Variants in FBXL13 observed in about 807,000 individuals in gnomAD.
The protein encoded by FBXL13 is F-box and leucine-rich repeat protein 13.
Under a neutral mutation model 83.6 loss-of-function variants are expected in FBXL13, and 67 were observed. That is an observed-to-expected ratio of 0.80 (90% CI 0.66 to 0.98). FBXL13 has a LOEUF of 0.98. FBXL13 is among the 50% of genes least tolerant of loss of function. The probability of loss-of-function intolerance (pLI) is 0.00; values close to 1 mark genes in which losing one functional copy is unlikely to be tolerated. For missense variants in FBXL13, 822 were observed against 866.5 expected, an observed-to-expected ratio of 0.95 and a Z score of 0.64; for synonymous variants, 272 against 299.5, an observed-to-expected ratio of 0.91 and a Z score of 0.95.
rs1793026959 is a variant in FBXL13, at chr7:103,020,528, T to C, written c.495+4535A>G. Among the ~76,000 whole-genome samples, 3 of 152,154 alleles carry C rather than the reference T, an allele frequency of 2.0e-5. No individual in the cohort carries two copies. The South Asian group carries it at 6.2e-4, about 32-fold the overall frequency. On this transcript the variant is annotated intron_variant, in intron 6 of 19. Coordinates refer to ENST00000313221, the Ensembl canonical transcript of FBXL13. ...GGTATTCAATTAAGAAAAGAGGAAG[T>C]CAAATTGTCCCTGTTTGCAGATGAC...
chr7:103,064,363 A>G (rs1464854947), intron 1 of FBXL13, among the ~76,000 whole-genome samples: 1 of 152,220 alleles, frequency 6.6e-6, no homozygotes, highest in Non-Finnish European at 1.5e-5. Context: ...GAGGGAAGAG[A>G]CAGCGTATAG....
At chr7:103,062,235 T>C (rs1309523123) in intron 1 of FBXL13, among the ~76,000 whole-genome samples, 1 of 152,134 alleles carries the variant, frequency 6.6e-6, no homozygotes, top group African/African-American at 2.4e-5. Context: ...GACCATAATA[T>C]CTAGCTCATC....
intron 17 of FBXL13, among the ~76,000 whole-genome samples, chr7:102,846,303 G>C (rs533254606): frequency 6.6e-6 from 1 of 152,322 alleles, no homozygotes; most frequent in South Asian, 2.1e-4. Flanking sequence ...CACTGAGCAA[G>C]ATGGTCACAT....
At chr7:102,936,437 G>C (rs929351315) in intron 8 of FBXL13, 2 of 152,200 alleles carry the variant, frequency 1.3e-5, no homozygotes, top group African/African-American at 4.8e-5. Flanking sequence ...ACAATCAGCT[G>C]TCTCAGCAAT....
intron 14 of FBXL13, among the ~76,000 whole-genome samples, chr7:102,879,998 G>C (rs912933630): frequency 6.6e-6 from 1 of 152,316 alleles, no homozygotes; most frequent in Non-Finnish European, 1.5e-5. Flanking sequence ...GAGCCACCAC[G>C]CCCGACGGGC....
chr7:103,049,149 A>G (rs949656247), intron 2 of FBXL13, among the ~76,000 whole-genome samples: 1 of 152,234 alleles, frequency 6.6e-6, no homozygotes, highest in African/African-American at 2.4e-5. Context: ...CCTTTCTTAT[A>G]TAAAATCTCT....
intron 17 of FBXL13, among the ~76,000 whole-genome samples, chr7:102,845,214 A>T (rs1165482852): frequency 6.6e-6 from 1 of 152,184 alleles, no homozygotes; most frequent in African/African-American, 2.4e-5. Context: ...GGCCTTTCTC[A>T]TGACCAGCCC....
At chr7:102,972,014 A>T (rs888266615) in intron 6 of FBXL13, among the ~76,000 whole-genome samples, 1 of 150,456 alleles carries the variant, frequency 6.6e-6, no homozygotes, top group Non-Finnish European at 1.5e-5. Context: ...AGACAGAGTG[A>T]GAGTCCATCT....
chr7:102,877,127 G>A (rs1809377229), intron 16 of FBXL13, among the ~76,000 whole-genome samples: 1 of 152,084 alleles, frequency 6.6e-6, no homozygotes, highest in African/African-American at 2.4e-5. Flanking sequence ...CATAAAATGT[G>A]CAATCCGTAA....
intron 19 of FBXL13, 136 bp from the exon 21 acceptor site, chr7:102,813,667 A>AGAGT: frequency 1.2e-6 from 1 of 841,454 alleles, no homozygotes; most frequent in Non-Finnish European, 1.9e-6. Context: ...TGCCTTGCTG[A>AGAGT]GAGTGAGGAT....
At chr7:102,868,149 G>T (rs1012013137) in intron 16 of FBXL13, among the ~76,000 whole-genome samples, 3 of 152,026 alleles carry the variant, frequency 2.0e-5, no homozygotes, top group African/African-American at 7.3e-5. Context: ...TCATTTCTTT[G>T]TGGTGAGCAC....
At chr7:103,050,253 A>T (rs1421759817) in intron 2 of FBXL13, among the ~76,000 whole-genome samples, 1 of 152,220 alleles carries the variant, frequency 6.6e-6, no homozygotes, top group African/African-American at 2.4e-5. Flanking sequence ...AAAGAAAAAG[A>T]GGAAAAAAGC....
intron 9 of FBXL13, among the ~76,000 whole-genome samples, chr7:102,927,562 G>C (rs948843485): frequency 7.9e-5 from 12 of 152,208 alleles, no homozygotes; most frequent in African/African-American, 2.9e-4. Flanking sequence ...CACTCAGATA[G>C]GAATTGGTTG....
chr7:102,956,561 G>T (rs1050567393), intron 8 of FBXL13, among the ~76,000 whole-genome samples: 1 of 152,096 alleles, frequency 6.6e-6, no homozygotes, highest in African/African-American at 2.4e-5. Flanking sequence ...AAGAAATAAA[G>T]GGTATTCAGT....
rs188017010 is a variant in FBXL13, at chr7:102,996,851, T to C, written c.495+28212A>G. Among the ~76,000 whole-genome samples, 3 of 152,294 alleles carry C rather than the reference T, an allele frequency of 2.0e-5. No individual in the cohort carries two copies. In the East Asian group the frequency reaches 5.8e-4, roughly 29 times the overall value. On this transcript the variant is annotated intron_variant, in intron 6 of 19. Coordinates refer to ENST00000313221, the Ensembl canonical transcript of FBXL13. ...ACTAACAAGATAGAAAGACTTCATT[T>C]TTATTGGTATTGTGGATGACTGGCC...
intron 6 of FBXL13, among the ~76,000 whole-genome samples, chr7:103,010,851 G>A (rs1791532604): frequency 6.6e-6 from 1 of 152,182 alleles, no homozygotes; most frequent in African/African-American, 2.4e-5. Context: ...GCCAACTGCA[G>A]CCCCTGCCTG....
chr7:102,864,212 G>A (rs1253652788), intron 16 of FBXL13, among the ~76,000 whole-genome samples: 5 of 152,022 alleles, frequency 3.3e-5, no homozygotes, highest in Non-Finnish European at 7.4e-5. Context: ...TCTCTTCTCT[G>A]GCCATGCTCT....
intron 6 of FBXL13, among the ~76,000 whole-genome samples, chr7:103,005,393 G>A (rs1292431021): frequency 6.6e-6 from 1 of 152,076 alleles, no homozygotes. Flanking sequence ...GAACAAGGAC[G>A]GAAAGTAAAG....
At chr7:102,844,961 T>C (rs913606381) in intron 17 of FBXL13, among the ~76,000 whole-genome samples, 3 of 152,164 alleles carry the variant, frequency 2.0e-5, no homozygotes, top group African/African-American at 7.2e-5. Flanking sequence ...AAAAGGTACA[T>C]AGGGCTAGGT....
Sources: gnomAD v4.1 joint callset for allele counts (sites outside exome capture counted in the v4.1 genomes callset) on GRCh38, gnomAD v4.1.1 for gene constraint, MANE v1.5 for transcripts, NCBI Gene and HGNC (gene_info 2026-07-23, HGNC 2026-07-21) for gene names.